Variants in CCDC13 observed in about 807,000 individuals in gnomAD.
The protein encoded by CCDC13 is coiled-coil domain containing 13.
CCDC13 carries 70 observed loss-of-function variants against 87.3 expected under a neutral mutation model. The observed-to-expected ratio is 0.80, with a 90% confidence interval of 0.66 to 0.98. The LOEUF is 0.98. Among genes scored for constraint, CCDC13 ranks in the 50% least tolerant of loss-of-function variants. The probability of loss-of-function intolerance (pLI) is 0.00; values close to 1 mark genes in which losing one functional copy is unlikely to be tolerated. For missense variants in CCDC13, 842 were observed against 892.0 expected, an observed-to-expected ratio of 0.94 and a Z score of 0.71; for synonymous variants, 317 against 360.3, an observed-to-expected ratio of 0.88 and a Z score of 1.36.
At chr3:42,771,910 G>C (rs1700124613) in intron 1 of CCDC13, among the ~76,000 whole-genome samples, 2 of 152,206 alleles carry the variant, frequency 1.3e-5, no homozygotes, top group Admixed American at 1.3e-4. Context: ...TGGGAATACG[G>C]AATACATAAA....
intron 8 of CCDC13, among the ~76,000 whole-genome samples, chr3:42,742,316 G>A (rs769133782): frequency 4.6e-5 from 7 of 152,106 alleles, no homozygotes; most frequent in Non-Finnish European, 7.4e-5. Flanking sequence ...AGAGAAGCTG[G>A]GACTACCCAG....
At chr3:42,709,637 C>T (rs750583341) in intron 15 of CCDC13, 47 bp downstream of exon 15, 3 of 1,479,896 alleles carry the variant, frequency 2.0e-6, no homozygotes, top group Middle Eastern at 1.7e-4. Context: ...GGAGGCACCT[C>T]TGCTCAGACA....
intron 9 of CCDC13, among the ~76,000 whole-genome samples, chr3:42,739,364 C>T (rs967951929): frequency 1.3e-5 from 2 of 152,214 alleles, no homozygotes; most frequent in Non-Finnish European, 2.9e-5. Flanking sequence ...TCCCCCAATA[C>T]ATTTCTGTCT....
At chr3:42,749,304 C>T (rs1200251720) in intron 5 of CCDC13, among the ~76,000 whole-genome samples, 4 of 152,234 alleles carry the variant, frequency 2.6e-5, no homozygotes, top group Admixed American at 1.3e-4. Context: ...AGTACATGTG[C>T]TTCCATATGG....
rs1243318513 is a variant in CCDC13 at position 42,758,153 on chromosome 3, G to C, written c.193C>G (p.Pro65Ala). ...TTCTCAAAGCTATTTTTCGAGTTTG[G>C]CTCCCCTGCGTGGAGAAGGCTGAGG... Reference protein sequence around the residue: ...DGLSLLHAGEPNSKNSFEKRV... With the variant: ...DGLSLLHAGEANSKNSFEKRV... Residue 65 changes from proline (P) to alanine (A), a missense_variant, in exon 2 of 16, where the codon CCA becomes GCA. Physicochemically the swap from Pro to Ala is conservative, Grantham distance 27. Transcript: ENST00000310232. 2 of 1,613,542 alleles carry C rather than the reference G, an allele frequency of 1.2e-6. No homozygotes were observed. Among genetic ancestry groups the C allele is most frequent in the South Asian group, 2.2e-5 (2 of 91,056 alleles).
rs186961744 is a variant in CCDC13 at position 42,737,188 on chromosome 3, T to C, written c.1165-1275A>G. Among the ~76,000 whole-genome samples, 862 of 152,174 alleles carry C rather than the reference T, an allele frequency of 5.7e-3. 13 individuals are homozygous for C. Among genetic ancestry groups the C allele is most frequent in the South Asian group, 0.024 (116 of 4,812 alleles). ...GTTTGGTTTTCTGTCCTTGTGATAGTTTGCTGAGAATGATGGTTTCCAGCT... is the reference window on the plus strand; with the variant it reads ...GTTTGGTTTTCTGTCCTTGTGATAGCTTGCTGAGAATGATGGTTTCCAGCT... On this transcript the variant is annotated intron_variant, in intron 9 of 15. Transcript: ENST00000310232.
At chr3:42,770,032 C>A (rs1311455446) in intron 1 of CCDC13, among the ~76,000 whole-genome samples, 1 of 152,264 alleles carries the variant, frequency 6.6e-6, no homozygotes, top group Non-Finnish European at 1.5e-5. Flanking sequence ...CATCAAAAGC[C>A]CAAGGGCTGA....
chr3:42,755,387 T>C (rs1699683340), intron 3 of CCDC13, among the ~76,000 whole-genome samples: 1 of 152,104 alleles, frequency 6.6e-6, no homozygotes, highest in Non-Finnish European at 1.5e-5. Context: ...GGCGGGCAGA[T>C]CACAAGGTCA....
intron 13 of CCDC13, among the ~76,000 whole-genome samples, chr3:42,719,954 AATAGAGTTTTAAAG>A (rs746483583): frequency 3.9e-5 from 6 of 152,236 alleles, no homozygotes; most frequent in Non-Finnish European, 8.8e-5. Flanking sequence ...ATTTTTGGGA[AATAGAGTTTTAAAG>A]ATTATTGGTA....
intron 1 of CCDC13, among the ~76,000 whole-genome samples, chr3:42,769,950 C>G (rs1300637109): frequency 6.6e-6 from 1 of 152,260 alleles, no homozygotes; most frequent in Non-Finnish European, 1.5e-5. Flanking sequence ...GAGCCTCCCC[C>G]TGCCACCGTG....
In CCDC13 at chr3:42,728,066, G is replaced by A. The variant is rs151174359; in HGVS notation, c.1718+2401C>T. On this transcript the variant is annotated intron_variant, in intron 13 of 15. Coordinates refer to ENST00000310232, the MANE Select transcript of CCDC13 (RefSeq NM_144719.4). ...CATATTTAGTGACTTTTGTCATGGT[G>A]GACTAACCAACTCCTATTGTAAGTA... Among the ~76,000 whole-genome samples, 814 of 152,264 alleles carry A rather than the reference G, an allele frequency of 5.3e-3. 2 individuals carry two copies. Among genetic ancestry groups the A allele is most frequent in the Non-Finnish European group, 8.1e-3 (554 of 68,020 alleles).
rs1699961003 is a variant in CCDC13, at chr3:42,767,758, T to G, written c.-7+5418A>C. On this transcript the variant is annotated intron_variant, in intron 1 of 15. Transcript: ENST00000310232. The stretch of plus-strand genomic sequence containing the variant: ...GGCCGAGGCGGGTGGGTGGATCACC[T>G]GAGGTCAGGAGTTCAAGACCACCCT... 2.0e-5 allele frequency among the ~76,000 whole-genome samples: 3 copies of G among 152,206 alleles called. No homozygotes were observed. The South Asian group carries it at 6.2e-4, about 32-fold the overall frequency.
intron 3 of CCDC13, among the ~76,000 whole-genome samples, chr3:42,753,505 G>T (rs1699634822): frequency 6.6e-6 from 1 of 152,066 alleles, no homozygotes. Context: ...GGATAAAAAA[G>T]ACTTATGGGG....
chr3:42,752,830 G>T, intron 3 of CCDC13, 113 bp from the exon 4 acceptor site: 2 of 1,303,274 alleles, frequency 1.5e-6, no homozygotes, highest in Non-Finnish European at 2.1e-6. Flanking sequence ...TGGCATGAAT[G>T]CTCATAAAGG....
At chr3:42,752,752 C>T (rs773693362) in intron 3 of CCDC13, 35 bp from the exon 4 acceptor site, 2 of 1,609,958 alleles carry the variant, frequency 1.2e-6, no homozygotes, top group South Asian at 1.1e-5. Context: ...CAATTAAAAA[C>T]ACAGGCATAC....
chr3:42,769,993 G>A (rs1015854957), intron 1 of CCDC13, among the ~76,000 whole-genome samples: 13 of 152,216 alleles, frequency 8.5e-5, no homozygotes, highest in South Asian at 2.1e-4. Flanking sequence ...CCCAACGAGC[G>A]CCACCCCCTG....
At chr3:42,723,427 A>G (rs1698613297) in intron 13 of CCDC13, among the ~76,000 whole-genome samples, 1 of 152,226 alleles carries the variant, frequency 6.6e-6, no homozygotes, top group Non-Finnish European at 1.5e-5. Flanking sequence ...GTAAGTTAAC[A>G]TAATTGTGGC....
intron 9 of CCDC13, among the ~76,000 whole-genome samples, chr3:42,737,435 G>A (rs577512441): frequency 2.0e-5 from 3 of 152,332 alleles, no homozygotes; most frequent in Non-Finnish European, 4.4e-5. Flanking sequence ...ACCCAGTAAT[G>A]GGATTGCTGG....
At position 42,725,576 on chromosome 3, in the gene CCDC13, G is replaced by T. The variant is rs146023899; in HGVS notation, c.1718+4891C>A. Reference sequence around the variant, plus strand: ...GGACTAAGATAATATCCATCTACAAGTTCAGGAAAGTAGTAAGGAAGCCTG... The same window carrying T: ...GGACTAAGATAATATCCATCTACAATTTCAGGAAAGTAGTAAGGAAGCCTG... On this transcript the variant is annotated intron_variant, in intron 13 of 15. Coordinates refer to ENST00000310232, the MANE Select transcript of CCDC13 (RefSeq NM_144719.4). 8.3e-3 allele frequency among the ~76,000 whole-genome samples: 1,227 copies of T among 147,934 alleles called. 15 individuals carry two copies. The highest frequency in any genetic ancestry group is 0.029 in the African/African-American group (1,160 of 40,100).
Sources: gnomAD v4.1 joint callset for allele counts (sites outside exome capture counted in the v4.1 genomes callset) on GRCh38, gnomAD v4.1.1 for gene constraint, MANE v1.5 for transcripts, NCBI Gene and HGNC (gene_info 2026-07-23, HGNC 2026-07-21) for gene names.